MYCBP2: variants seen among roughly 807,000 people sequenced by gnomAD.
MYCBP2 encodes MYC binding protein 2, also known as E3 ubiquitin-protein ligase MYCBP2.
Under a neutral mutation model 525.3 loss-of-function variants are expected in MYCBP2, and 120 were observed. The ratio of observed to expected loss-of-function variants is 0.23; its 90% CI spans 0.20 to 0.27. MYCBP2 has a LOEUF of 0.27. MYCBP2 is among the 10% of genes least tolerant of loss of function. The pLI is 1.00. For missense variants in MYCBP2, 4,149 were observed against 5,657.1 expected (o/e 0.73, Z 8.55); for synonymous variants, 1,894 against 1,955.8 (o/e 0.97, Z 0.83).
rs7999635 is a variant in MYCBP2, at chr13:77,103,139, C to G, written c.8141-4126G>C. On this transcript the variant is annotated intron_variant, in intron 55 of 82. Coordinates refer to ENST00000544440, the MANE Select transcript of MYCBP2 (RefSeq NM_015057.5). ...ATGGCATGAACATGACTGAGACGAA[C>G]GGAAACATCTTTAATGACACTCCTT... The G allele has an allele frequency of 2.1e-3, 820 of 396,086 alleles. 5 individuals carry two copies. The highest frequency in any genetic ancestry group is 0.015 in the African/African-American group (736 of 48,508). The allele number at this position is 396,086 out of a possible 1,614,324, so 24.5% of individuals were successfully genotyped here.
Position 77,243,121 on chromosome 13 carries a change from T to C in MYCBP2, c.2567A>G (p.Gln856Arg), listed in dbSNP as rs1461660278. 6 of 1,614,090 alleles carry C rather than the reference T, an allele frequency of 3.7e-6. No homozygotes were observed. The South Asian group carries it at 4.4e-5, about 12-fold the overall frequency. ...VPGVNIEEHL[Q>R]LRQEEKRQRV... is the part of the protein sequence containing the mutation. ...TTGCCGTTTTTCTTCTTGTCGTAAC[T>C]GAAGGTGTTCTTCAATGTTAACCCC... The change falls in exon 17 of 83, where the codon CAG becomes CGG. Residue 856 changes from glutamine to arginine, a missense_variant. Coordinates refer to ENST00000544440, the MANE Select transcript of MYCBP2 (RefSeq NM_015057.5).
At chr13:77,210,684 C>A (rs1216812601) in intron 23 of MYCBP2, among the ~76,000 whole-genome samples, 1 of 152,050 alleles carries the variant, frequency 6.6e-6, no homozygotes, top group Admixed American at 6.5e-5. Flanking sequence ...TTGTCTTTGG[C>A]ATAATTTCCT....
intron 26 of MYCBP2, among the ~76,000 whole-genome samples, chr13:77,200,956 C>G (rs1442001223): frequency 4.6e-5 from 7 of 151,694 alleles, no homozygotes; most frequent in African/African-American, 1.5e-4. Flanking sequence ...ATGTAAAGAC[C>G]ATCGAGACTA....
intron 70 of MYCBP2, 40 bp downstream of exon 70, chr13:77,068,525 G>T: frequency 1.3e-6 from 2 of 1,587,154 alleles, no homozygotes; most frequent in Non-Finnish European, 1.7e-6. Flanking sequence ...AATGTTTCAA[G>T]TAACAAAAGC....
At chr13:77,320,084 G>C (rs940324475) in intron 1 of MYCBP2, among the ~76,000 whole-genome samples, 9 of 152,178 alleles carry the variant, frequency 5.9e-5, no homozygotes, top group African/African-American at 2.2e-4. Context: ...TGTTGGGATA[G>C]ACTTCAAGGT....
intron 22 of MYCBP2, 87 bp downstream of exon 22, chr13:77,211,869 G>T: frequency 9.2e-7 from 1 of 1,085,652 alleles, no homozygotes; most frequent in Non-Finnish European, 1.3e-6. Flanking sequence ...AGCTACAAAA[G>T]TACATTTCAT....
intron 55 of MYCBP2, among the ~76,000 whole-genome samples, chr13:77,119,744 C>G (rs2050366142): frequency 6.6e-6 from 1 of 152,026 alleles, no homozygotes; most frequent in Non-Finnish European, 1.5e-5. Flanking sequence ...AAACAGGATC[C>G]TGCTCTGTTG....
At chr13:77,268,849 AC>A (rs1241124926) in intron 7 of MYCBP2, among the ~76,000 whole-genome samples, 1 of 152,208 alleles carries the variant, frequency 6.6e-6, no homozygotes, top group Non-Finnish European at 1.5e-5. Flanking sequence ...TCTTCATGTA[AC>A]AATAGTAATT....
intron 82 of MYCBP2, among the ~76,000 whole-genome samples, chr13:77,046,432 T>C (rs1216563932): frequency 6.6e-6 from 1 of 152,232 alleles, no homozygotes; most frequent in African/African-American, 2.4e-5. Context: ...TTGGATGGAA[T>C]GAGCTTACAC....
chr13:77,204,645 AC>A (rs2063081161), intron 26 of MYCBP2, among the ~76,000 whole-genome samples: 1 of 130,274 alleles, frequency 7.7e-6, no homozygotes, highest in Non-Finnish European at 1.6e-5. Flanking sequence ...CTTGAAACCA[AC>A]CCAAATGTCC....
intron 55 of MYCBP2, among the ~76,000 whole-genome samples, chr13:77,104,340 G>A (rs900311283): frequency 2.6e-5 from 4 of 152,046 alleles, no homozygotes; most frequent in Non-Finnish European, 4.4e-5. Context: ...TATATATTAC[G>A]TGTTAGATAC....
At position 77,164,213 on chromosome 13, in the gene MYCBP2, C is replaced by T. The variant is rs141471964; in HGVS notation, c.6547+241G>A. ...CTGAATATACACACTATACCCACTG[C>T]CTGGCTCAAAGCATGTATATGCATA... On this transcript the variant is annotated intron_variant, in intron 43 of 82. Coordinates refer to ENST00000544440, the MANE Select transcript of MYCBP2 (RefSeq NM_015057.5). Among the ~76,000 whole-genome samples the T allele has an allele frequency of 1.7e-3, 257 of 152,162 alleles. 2 individuals carry two copies. The highest frequency in any genetic ancestry group is 6.0e-3 in the African/African-American group (251 of 41,488).
chr13:77,228,938 T>C (rs1227407876), intron 18 of MYCBP2, among the ~76,000 whole-genome samples: 1 of 152,156 alleles, frequency 6.6e-6, no homozygotes, highest in Admixed American at 6.5e-5. Context: ...CAGTCATGCA[T>C]ATAACAGAAA....
chr13:77,220,688 T>C (rs1259952642), intron 20 of MYCBP2, among the ~76,000 whole-genome samples: 1 of 152,180 alleles, frequency 6.6e-6, no homozygotes, highest in Non-Finnish European at 1.5e-5. Context: ...TTAATACATA[T>C]GCTATAGAAG....
At chr13:77,295,916 T>C (rs1018909742) in intron 2 of MYCBP2, among the ~76,000 whole-genome samples, 1 of 152,200 alleles carries the variant, frequency 6.6e-6, no homozygotes, top group Non-Finnish European at 1.5e-5. Context: ...CAAGTTTCCC[T>C]AATTCCTGTC....
chr13:77,158,134 T>C lies in MYCBP2; in HGVS notation c.6598-25A>G, dbSNP rs745902491. 2.1e-6 allele frequency: 3 copies of C among 1,426,814 alleles called. No individual in the cohort carries two copies. The African/African-American group carries it at 4.5e-5, about 21-fold the overall frequency. The allele number at this position is 1,426,814 out of a possible 1,614,324, so 88.4% of individuals were successfully genotyped here. ...CCTGTTAAGTAAAAAAGAATATTTA[T>C]ATATTCTTAAAAATAAAACTTTAAT... On this transcript the variant is annotated intron_variant, in intron 44 of 82. Coordinates refer to ENST00000544440, the MANE Select transcript of MYCBP2 (RefSeq NM_015057.5).
intron 47 of MYCBP2, among the ~76,000 whole-genome samples, chr13:77,147,162 C>G (rs2055726876): frequency 6.6e-6 from 1 of 151,852 alleles, no homozygotes; most frequent in South Asian, 2.1e-4. Flanking sequence ...ATTGAACAAC[C>G]CAAAATATAC....
intron 20 of MYCBP2, among the ~76,000 whole-genome samples, chr13:77,220,312 G>C (rs2065368690): frequency 6.6e-6 from 1 of 152,050 alleles, no homozygotes; most frequent in South Asian, 2.1e-4. Context: ...ATAAAGTAGG[G>C]CTGCATCACA....
chr13:77,096,646 C>T (rs908785586), intron 56 of MYCBP2, among the ~76,000 whole-genome samples, 165 bp from the exon 57 acceptor site: 72 of 152,144 alleles, frequency 4.7e-4, no homozygotes, highest in Middle Eastern at 6.9e-3. Flanking sequence ...AAATAGCTTA[C>T]TTGATCAAAA....
Sources: allele counts gnomAD v4.1 joint callset (sites outside exome capture counted in the v4.1 genomes callset), GRCh38; gene constraint gnomAD v4.1.1; transcripts MANE v1.5; gene names NCBI Gene and HGNC (gene_info 2026-07-23, HGNC 2026-07-21).